PHACTR1: variants seen among roughly 807,000 people sequenced by gnomAD.
PHACTR1 encodes the protein RPEL repeat containing 1.
In PHACTR1, 16 loss-of-function variants were observed where a neutral mutation model predicts 69.2. The observed-to-expected ratio is 0.23, with a 90% confidence interval of 0.16 to 0.35. The LOEUF (loss-of-function observed/expected upper bound fraction) is 0.35. PHACTR1 is among the 10% of genes least tolerant of loss of function. The probability of loss-of-function intolerance (pLI) is 1.00; values close to 1 mark genes in which losing one functional copy is unlikely to be tolerated. For synonymous variants in PHACTR1, 312 were observed against 284.5 expected (o/e 1.10, Z -0.97); for missense variants, 510 against 734.7 (o/e 0.69, Z 3.54).
intron 5 of PHACTR1, among the ~76,000 whole-genome samples, chr6:13,147,032 C>CG (rs1823471202): frequency 6.6e-6 from 1 of 152,166 alleles, no homozygotes; most frequent in African/African-American, 2.4e-5. Context: ...ACTGCAGGGT[C>CG]ACCTGTTTCA....
At chr6:13,196,717 C>T (rs180980169) in intron 7 of PHACTR1, among the ~76,000 whole-genome samples, 47 of 152,336 alleles carry the variant, frequency 3.1e-4, no homozygotes, top group African/African-American at 1.1e-3. Flanking sequence ...CTGCACCCGG[C>T]CCCAGTCACT....
chr6:12,793,928 G>T (rs1236102811), intron 4 of PHACTR1, among the ~76,000 whole-genome samples: 1 of 152,134 alleles, frequency 6.6e-6, no homozygotes, highest in Admixed American at 6.5e-5. Flanking sequence ...AATCCAAAAA[G>T]CATTTATTAT....
At chr6:13,186,970 G>T (rs555227385) in intron 7 of PHACTR1, among the ~76,000 whole-genome samples, 78 of 152,270 alleles carry the variant, frequency 5.1e-4, no homozygotes, top group African/African-American at 1.8e-3. Context: ...GACAGTGACC[G>T]ATCGTCAGGC....
At chr6:12,758,837 T>C (rs1357671118) in intron 4 of PHACTR1, among the ~76,000 whole-genome samples, 8 of 151,818 alleles carry the variant, frequency 5.3e-5, no homozygotes, top group African/African-American at 9.7e-5. Flanking sequence ...AAAAAGAAAA[T>C]TGGGGCCAGG....
chr6:13,098,624 A>G (rs1411902969), intron 5 of PHACTR1, among the ~76,000 whole-genome samples: 1 of 152,140 alleles, frequency 6.6e-6, no homozygotes, highest in Non-Finnish European at 1.5e-5. Flanking sequence ...CCCAGACCTG[A>G]TCCACCTTCT....
At chr6:13,085,746 T>G (rs959022186) in intron 5 of PHACTR1, among the ~76,000 whole-genome samples, 7 of 152,002 alleles carry the variant, frequency 4.6e-5, no homozygotes, top group Admixed American at 3.9e-4. Flanking sequence ...CTATCATAGA[T>G]TTGGAAATTT....
At chr6:13,035,841 A>C (rs1803222017) in intron 4 of PHACTR1, among the ~76,000 whole-genome samples, 1 of 152,198 alleles carries the variant, frequency 6.6e-6, no homozygotes, top group Admixed American at 6.5e-5. Flanking sequence ...GTCATCAGTC[A>C]TTCCTTTATG....
chr6:12,756,215 T>C (rs1767304525), intron 4 of PHACTR1, among the ~76,000 whole-genome samples: 1 of 152,196 alleles, frequency 6.6e-6, no homozygotes, highest in South Asian at 2.1e-4. Flanking sequence ...AGAGCTTTTT[T>C]TCTCCTTGAG....
intron 4 of PHACTR1, among the ~76,000 whole-genome samples, chr6:12,857,457 G>T (rs536157786): frequency 1.1e-4 from 16 of 152,202 alleles, no homozygotes; most frequent in South Asian, 8.3e-4. Flanking sequence ...ACAAAAATTA[G>T]CTGTGTGTGG....
intron 4 of PHACTR1, among the ~76,000 whole-genome samples, chr6:12,951,400 TAGTC>T (rs1213054396): frequency 6.6e-6 from 1 of 152,218 alleles, no homozygotes; most frequent in African/African-American, 2.4e-5. Flanking sequence ...GACCCTTAGT[TAGTC>T]AGCCAGGGAT....
Position 12,890,691 on chromosome 6 carries a change from C to A in PHACTR1, c.250+140901C>A, listed in dbSNP as rs564045754. Among the ~76,000 whole-genome samples, 6 of 152,282 alleles carry A rather than the reference C, an allele frequency of 3.9e-5. 1 individual carries two copies. The East Asian group carries it at 1.2e-3, about 29-fold the overall frequency. On this transcript the variant is annotated intron_variant, in intron 4 of 14. Coordinates refer to ENST00000332995, the MANE Select transcript of PHACTR1 (RefSeq NM_030948.6). ...ATCTGCTTGGTTAAATCCCTCACTT[C>A]ATTTAAGTGTTTACTCAGATCTCCC... is the stretch of plus-strand genomic sequence containing the variant.
chr6:12,962,597 T>C (rs1430212639), intron 4 of PHACTR1, among the ~76,000 whole-genome samples: 3 of 152,164 alleles, frequency 2.0e-5, no homozygotes, highest in Non-Finnish European at 4.4e-5. Context: ...CTCTAGAGTA[T>C]ATTAATCTCA....
chr6:13,143,616 T>A (rs1245510267), intron 5 of PHACTR1, among the ~76,000 whole-genome samples: 2 of 152,132 alleles, frequency 1.3e-5, no homozygotes, highest in Admixed American at 6.5e-5. Context: ...AACCTTCAAG[T>A]GATACTGCTA....
rs142209084 is a variant in PHACTR1, at chr6:13,119,940, C to T, written c.416-40264C>T. Among the ~76,000 whole-genome samples, 19 of 152,218 alleles carry T rather than the reference C, an allele frequency of 1.2e-4. No individual in the cohort carries two copies. In the East Asian group the frequency reaches 3.7e-3, roughly 29 times the overall value. The stretch of plus-strand genomic sequence containing the variant: ...TTGTATGGAAACATCCAACTCAAAC[C>T]CACCTTTATTTATGAGGGAGTCGCT... On this transcript the variant is annotated intron_variant, in intron 5 of 14. Transcript: ENST00000332995.
intron 8 of PHACTR1, among the ~76,000 whole-genome samples, chr6:13,211,708 C>T (rs1186833954): frequency 6.6e-6 from 1 of 152,172 alleles, no homozygotes; most frequent in Non-Finnish European, 1.5e-5. Context: ...ACTGTACATA[C>T]ACAGGGATAA....
At chr6:12,878,223 A>C (rs540576262) in intron 4 of PHACTR1, among the ~76,000 whole-genome samples, 12 of 152,356 alleles carry the variant, frequency 7.9e-5, no homozygotes, top group African/African-American at 2.9e-4. Flanking sequence ...ATGTTTTGCC[A>C]TGAGTACAAG....
chr6:13,189,616 T>C (rs1174092257), intron 7 of PHACTR1, among the ~76,000 whole-genome samples: 1 of 152,110 alleles, frequency 6.6e-6, no homozygotes, highest in Non-Finnish European at 1.5e-5. Context: ...CCCAGGCTGG[T>C]CTGGACCTCC....
At chr6:13,017,185 CAA>C (rs5874397) in intron 4 of PHACTR1, among the ~76,000 whole-genome samples, 46 of 77,216 alleles carry the variant, frequency 6.0e-4, no homozygotes, top group East Asian at 2.7e-3. Flanking sequence ...GACTCTGTCT[CAA>C]AAAAAAAAAA....
intron 5 of PHACTR1, among the ~76,000 whole-genome samples, chr6:13,096,346 A>G (rs1255426288): frequency 6.6e-6 from 1 of 152,202 alleles, no homozygotes; most frequent in Non-Finnish European, 1.5e-5. Context: ...TTCTCTGATT[A>G]GAGATTAAAC....
Sources: gnomAD v4.1 joint callset for allele counts (sites outside exome capture counted in the v4.1 genomes callset) on GRCh38, gnomAD v4.1.1 for gene constraint, MANE v1.5 for transcripts, NCBI Gene and HGNC (gene_info 2026-07-23, HGNC 2026-07-21) for gene names.